Variants in NBPF12 observed in about 807,000 individuals in gnomAD.
The protein encoded by NBPF12 is NBPF family member NBPF12.
NBPF12 carries 115 observed loss-of-function variants against 146.4 expected under a neutral mutation model. The observed-to-expected ratio is 0.79, with a 90% CI of 0.68 to 0.92. The LOEUF (loss-of-function observed/expected upper bound fraction) is 0.92. Ranked by LOEUF, NBPF12 falls within the 40% of genes least tolerant of loss-of-function variation. The pLI is 0.00. For missense variants in NBPF12, 1,205 were observed against 1,326.8 expected (o/e 0.91, Z 1.43); for synonymous variants, 385 against 508.9 (o/e 0.76, Z 3.28).
At chr1:146,973,905 C>G in intron 14 of NBPF12, among the ~76,000 whole-genome samples, 1 of 150,392 alleles carries the variant, frequency 6.6e-6, no homozygotes, top group Non-Finnish European at 1.5e-5. Context: ...AGATCGCACC[C>G]GAGAATGTGT....
chr1:146,962,231 T>C, exon 5 of NBPF12: 2 of 1,607,294 alleles, frequency 1.2e-6, no homozygotes, highest in Non-Finnish European at 1.7e-6. Flanking sequence ...AGGAGAAGCT[T>C]GCAGAGCAGC....
At chr1:146,944,966 TC>T (rs1654966557), upstream of NBPF12, among the ~76,000 whole-genome samples, 1 of 25,118 alleles carries the variant, frequency 4.0e-5, no homozygotes, top group East Asian at 1.4e-3. Flanking sequence ...CTCCCTCCCT[TC>T]CTCCCTCCCT....
At chr1:146,949,822 G>T (rs1476546761) in intron 1 of NBPF12, among the ~76,000 whole-genome samples, 2 of 151,930 alleles carry the variant, frequency 1.3e-5, no homozygotes, top group Non-Finnish European at 2.9e-5. Flanking sequence ...CAGAGGCCAC[G>T]TGCTTTCCTC....
At chr1:146,965,806 A>T (rs1207049164) in intron 8 of NBPF12, among the ~76,000 whole-genome samples, 1 of 144,836 alleles carries the variant, frequency 6.9e-6, no homozygotes, top group Non-Finnish European at 1.5e-5. Context: ...AAAAAAAAAA[A>T]AAAAAAAAAA....
intron 13 of NBPF12, among the ~76,000 whole-genome samples, chr1:146,972,240 C>T (rs1454172662): frequency 6.6e-6 from 1 of 150,886 alleles, no homozygotes; most frequent in Non-Finnish European, 1.5e-5. Flanking sequence ...ACTAAAAATA[C>T]AAAAATTAGC....
At chr1:146,950,567 G>A (rs1199673047) in intron 1 of NBPF12, among the ~76,000 whole-genome samples, 2 of 151,604 alleles carry the variant, frequency 1.3e-5, no homozygotes, top group African/African-American at 4.9e-5. Flanking sequence ...TTTGCCTCTG[G>A]GCTCTCTGCT....
intron 21 of NBPF12, among the ~76,000 whole-genome samples, chr1:146,984,544 A>G (rs1386212081): frequency 6.8e-6 from 1 of 147,242 alleles, no homozygotes; most frequent in African/African-American, 2.6e-5. Context: ...CTCCCTCATC[A>G]GTGTGTCACC....
chr1:146,990,799 A>G, intron 29 of NBPF12, among the ~76,000 whole-genome samples: 1 of 107,164 alleles, frequency 9.3e-6, no homozygotes, highest in Non-Finnish European at 1.8e-5. Context: ...CACTGTTTTC[A>G]TGATCACTGT....
At chr1:146,994,251 T>G (rs1658380839) in intron 33 of NBPF12, 81 bp from the exon 37 acceptor site, 15 of 1,610,286 alleles carry the variant, frequency 9.3e-6, no homozygotes, top group Non-Finnish European at 1.2e-5. Flanking sequence ...ACCACTTCCT[T>G]ATGTTACTTC....
chr1:146,965,416 G>A (rs1383677270), intron 8 of NBPF12, among the ~76,000 whole-genome samples: 8 of 151,024 alleles, frequency 5.3e-5, no homozygotes, highest in African/African-American at 1.7e-4. Context: ...GGGAGGATGG[G>A]CTGAGATGAT....
At chr1:146,994,864 C>G (rs1658447432) in exon 34 of NBPF12, 2 of 530,856 alleles carry the variant, frequency 3.8e-6, no homozygotes, top group African/African-American at 1.9e-5. Flanking sequence ...CAAAATTCCT[C>G]AGGGATTTCA....
At chr1:146,950,594 C>G (rs1225398505) in intron 1 of NBPF12, among the ~76,000 whole-genome samples, 1 of 151,872 alleles carries the variant, frequency 6.6e-6, no homozygotes, top group Non-Finnish European at 1.5e-5. Context: ...TTCTTGAAAC[C>G]ATTATTATTT....
chr1:146,969,833 G>A (rs1406930445), intron 11 of NBPF12, among the ~76,000 whole-genome samples: 2 of 151,204 alleles, frequency 1.3e-5, no homozygotes, highest in Admixed American at 1.3e-4. Context: ...GGAGCAAGAG[G>A]CAGCATCTAT....
exon 28 of NBPF12, chr1:146,989,671 G>A: frequency 6.2e-7 from 1 of 1,612,154 alleles, no homozygotes; most frequent in Non-Finnish European, 8.5e-7. Flanking sequence ...TGGACTGACT[G>A]ACCCATGCCA....
In NBPF12 at chr1:146,971,922, AC is replaced by A. The variant is rs1656651404; in HGVS notation, c.1591+529del. 3.5e-4 allele frequency among the ~76,000 whole-genome samples: 18 copies of A among 50,942 alleles called. 1 individual carries two copies. The highest frequency in any genetic ancestry group is 1.8e-3 in the African/African-American group (16 of 8,788). The allele number at this position is 50,942 out of a possible 152,430, so 33.4% of individuals were successfully genotyped here. On this transcript the variant is annotated intron_variant, in intron 13 of 33. Transcript: ENST00000617844. Reference sequence around the variant, plus strand: ...GTGAAACCCCATCTTTACTAAAAATACAAAAAAAAAAAAAAATTAGCTGGGC... The same window carrying A: ...GTGAAACCCCATCTTTACTAAAAATAAAAAAAAAAAAAAAATTAGCTGGGC...
rs1553885372 is a variant in NBPF12 at position 146,964,914 on chromosome 1, G to A, written c.588G>A (p.Glu196=). ...TCAGGGAGGTGCAGAAGGCTGAAGAGAGCAAAGTCCCTGAGGACTCACTGG... is the reference window on the plus strand; with the variant it reads ...TCAGGGAGGTGCAGAAGGCTGAAGAAAGCAAAGTCCCTGAGGACTCACTGG... The change falls in exon 8 of 34, where the codon GAG becomes GAA. Residue 196 remains glutamate, a synonymous_variant. Transcript: ENST00000617844. 2.4e-4 allele frequency: 392 copies of A among 1,605,844 alleles called. 1 individual carries two copies. The highest frequency in any genetic ancestry group is 8.1e-4 in the African/African-American group (59 of 73,094).
At chr1:146,977,967 C>G (rs1322670199) in intron 18 of NBPF12, among the ~76,000 whole-genome samples, 2 of 152,024 alleles carry the variant, frequency 1.3e-5, no homozygotes, top group Non-Finnish European at 2.9e-5. Context: ...CTCTTGTCAT[C>G]TGTGATTTAG....
intron 10 of NBPF12, among the ~76,000 whole-genome samples, chr1:146,969,125 G>A (rs1342686659): frequency 6.6e-6 from 1 of 151,224 alleles, no homozygotes; most frequent in Non-Finnish European, 1.5e-5. Flanking sequence ...GAATTAGGAA[G>A]ACACCTACTT....
At chr1:146,981,294 A>ATATATATAT (rs1553887974) in intron 19 of NBPF12, among the ~76,000 whole-genome samples, 3 of 90,224 alleles carry the variant, frequency 3.3e-5, no homozygotes, top group African/African-American at 1.4e-4. Flanking sequence ...AAAAAAAAAA[A>ATATATATAT]ATATATATAT....
Sources: allele counts gnomAD v4.1 joint callset (sites outside exome capture counted in the v4.1 genomes callset), GRCh38; gene constraint gnomAD v4.1.1; transcripts MANE v1.5; gene names NCBI Gene and HGNC (gene_info 2026-07-23, HGNC 2026-07-21).